CDH8: variants seen among roughly 807,000 people sequenced by gnomAD.
The protein encoded by CDH8 is cadherin-8.
A neutral mutation model predicts 68.1 loss-of-function variants in CDH8; 17 were observed. That is an observed-to-expected ratio of 0.25 (90% CI 0.17 to 0.37). CDH8 has a LOEUF of 0.37. CDH8 is among the 10% of genes least tolerant of loss of function. The probability of loss-of-function intolerance (pLI) is 1.00; values close to 1 mark genes in which losing one functional copy is unlikely to be tolerated. For missense variants in CDH8, 763 were observed against 999.3 expected, an observed-to-expected ratio of 0.76 and a Z score of 3.19; for synonymous variants, 372 against 365.1, an observed-to-expected ratio of 1.02 and a Z score of -0.21.
intron 10 of CDH8, among the ~76,000 whole-genome samples, chr16:61,666,456 C>T (rs1175765597): frequency 6.6e-6 from 1 of 151,840 alleles, no homozygotes; most frequent in Non-Finnish European, 1.5e-5. Context: ...TCATCTGTTG[C>T]CCTGATACAG....
chr16:61,841,912 G>C (rs1315542999), intron 4 of CDH8, among the ~76,000 whole-genome samples: 3 of 152,076 alleles, frequency 2.0e-5, no homozygotes, highest in Admixed American at 1.3e-4. Flanking sequence ...CTTGGAGACG[G>C]AGTCTTGCTC....
chr16:61,755,147 G>C lies in CDH8; in HGVS notation c.1415-27932C>G, dbSNP rs368201893. On this transcript the variant is annotated intron_variant, in intron 8 of 11. Transcript: ENST00000577390. ...AGAAGTTTCATGGTTAAGTCAGTTT[G>C]CAAGAGTTAGAATATGGGCCTCAGG... 2.6e-5 allele frequency among the ~76,000 whole-genome samples: 4 copies of C among 152,306 alleles called. No homozygotes were observed. In the East Asian group the frequency reaches 5.8e-4, roughly 22 times the overall value.
intron 10 of CDH8, among the ~76,000 whole-genome samples, chr16:61,701,973 T>C (rs1964437587): frequency 6.6e-6 from 1 of 152,240 alleles, no homozygotes. Flanking sequence ...ACAATTTCTA[T>C]GTTTTTCTAT....
chr16:61,947,417 AC>A lies in CDH8; in HGVS notation c.253-45945del, dbSNP rs1346312472. On this transcript the variant is annotated intron_variant, in intron 2 of 11. Coordinates refer to ENST00000577390, the MANE Select transcript of CDH8 (RefSeq NM_001796.5). ...CTTTTCAGTCACATGGATTCATCAA[AC>A]CTGTATTGCATTCCTATCATTTGCC... Among the ~76,000 whole-genome samples, 6 of 152,282 alleles carry A rather than the reference AC, an allele frequency of 3.9e-5. No individual in the cohort carries two copies. The East Asian group carries it at 1.2e-3, about 29-fold the overall frequency.
At chr16:61,892,041 G>A (rs946886902) in intron 3 of CDH8, among the ~76,000 whole-genome samples, 30 of 152,064 alleles carry the variant, frequency 2.0e-4, no homozygotes, top group Non-Finnish European at 3.2e-4. Context: ...GACACAAATT[G>A]TTCCTTTAAT....
rs181188349 is a variant in CDH8 at position 61,715,143 on chromosome 16, A to G, written c.1537-1185T>C. On this transcript the variant is annotated intron_variant, in intron 9 of 11. Coordinates refer to ENST00000577390, the MANE Select transcript of CDH8 (RefSeq NM_001796.5). ...TAATTTCTAGGTCTCCCTTTTTAAA[A>G]TGGAACATAATCTTACTTTGTAAGT... 2.0e-5 allele frequency among the ~76,000 whole-genome samples: 3 copies of G among 151,786 alleles called. No homozygotes were observed. The East Asian group carries it at 5.8e-4, about 29-fold the overall frequency.
chr16:61,733,874 G>A (rs1297288360), intron 8 of CDH8, among the ~76,000 whole-genome samples: 1 of 151,924 alleles, frequency 6.6e-6, no homozygotes, highest in African/African-American at 2.4e-5. Flanking sequence ...CAGTGATCCA[G>A]TAAATGATCA....
At chr16:61,916,141 A>G (rs1444631496) in intron 2 of CDH8, among the ~76,000 whole-genome samples, 1 of 152,218 alleles carries the variant, frequency 6.6e-6, no homozygotes, top group Non-Finnish European at 1.5e-5. Flanking sequence ...CCTTCCTCCA[A>G]GTATTTCTAT....
chr16:61,998,490 C>T (rs1316425934), intron 2 of CDH8, among the ~76,000 whole-genome samples: 1 of 152,094 alleles, frequency 6.6e-6, no homozygotes, highest in Non-Finnish European at 1.5e-5. Flanking sequence ...CAAGACTCTT[C>T]GATCTAGCAT....
At chr16:61,823,517 A>G (rs1962262327) in intron 5 of CDH8, among the ~76,000 whole-genome samples, 1 of 151,696 alleles carries the variant, frequency 6.6e-6, no homozygotes, top group South Asian at 2.1e-4. Flanking sequence ...CAACACAACT[A>G]CCCTTGCTTG....
chr16:61,834,631 A>G (rs1316460446), intron 4 of CDH8, among the ~76,000 whole-genome samples: 1 of 151,972 alleles, frequency 6.6e-6, no homozygotes, highest in Non-Finnish European at 1.5e-5. Flanking sequence ...TTTCATGAAT[A>G]TAATTACTTG....
chr16:61,862,571 G>A (rs1212429336), intron 3 of CDH8, among the ~76,000 whole-genome samples: 1 of 152,156 alleles, frequency 6.6e-6, no homozygotes, highest in African/African-American at 2.4e-5. Context: ...CGTCAAGGAC[G>A]ATATTTCTCC....
intron 10 of CDH8, among the ~76,000 whole-genome samples, chr16:61,702,495 A>G (rs533909315): frequency 1.1e-4 from 16 of 152,244 alleles, no homozygotes; most frequent in Non-Finnish European, 2.4e-4. Context: ...AGTCAAAAAT[A>G]ATGATTGATA....
chr16:61,823,262 A>C (rs938003714), intron 5 of CDH8, among the ~76,000 whole-genome samples: 18 of 151,782 alleles, frequency 1.2e-4, no homozygotes, highest in East Asian at 5.8e-4. Context: ...TTCAAGCTCC[A>C]TACACATTTC....
chr16:61,757,305 C>T (rs1264720306), intron 8 of CDH8, among the ~76,000 whole-genome samples: 1 of 152,032 alleles, frequency 6.6e-6, no homozygotes, highest in African/African-American at 2.4e-5. Flanking sequence ...TAAACAAATG[C>T]TCTCTGCTTT....
intron 2 of CDH8, among the ~76,000 whole-genome samples, chr16:61,942,433 G>A (rs1333077801): frequency 6.6e-6 from 1 of 152,168 alleles, no homozygotes; most frequent in African/African-American, 2.4e-5. Flanking sequence ...AGAGTTGCAG[G>A]TTACAGTGAG....
chr16:61,931,118 T>C (rs1278255148), intron 2 of CDH8, among the ~76,000 whole-genome samples: 2 of 152,158 alleles, frequency 1.3e-5, no homozygotes, highest in Non-Finnish European at 1.5e-5. Context: ...AGTAACAATA[T>C]ATCACTTAAA....
chr16:61,689,599 T>C (rs1174305097), intron 10 of CDH8, among the ~76,000 whole-genome samples: 1 of 151,944 alleles, frequency 6.6e-6, no homozygotes, highest in East Asian at 1.9e-4. Context: ...ATAACAATAA[T>C]ATGAGCTCAA....
chr16:61,750,145 A>C (rs1339380605), intron 8 of CDH8, among the ~76,000 whole-genome samples: 1 of 152,048 alleles, frequency 6.6e-6, no homozygotes, highest in Non-Finnish European at 1.5e-5. Flanking sequence ...TGCCACTTAT[A>C]AGTGAGAAAA....
Sources: gnomAD v4.1 joint callset for allele counts (sites outside exome capture counted in the v4.1 genomes callset) on GRCh38, gnomAD v4.1.1 for gene constraint, MANE v1.5 for transcripts, NCBI Gene and HGNC (gene_info 2026-07-23, HGNC 2026-07-21) for gene names.